Variants in MAST4 observed in about 807,000 individuals in gnomAD.
MAST4 encodes the protein microtubule associated serine/threonine kinase family member 4.
In MAST4, 89 loss-of-function variants were observed where a neutral mutation model predicts 162.7. The ratio of observed to expected loss-of-function variants is 0.55; its 90% CI spans 0.46 to 0.65. MAST4 has a LOEUF of 0.65. MAST4 is among the 30% of genes least tolerant of loss of function. The pLI is 0.00. For missense variants in MAST4, 3,153 were observed against 3,374.0 expected (o/e 0.93, Z 1.62); for synonymous variants, 1,479 against 1,361.1 (o/e 1.09, Z -1.91).
chr5:67,154,605 T>G (rs913871993), intron 26 of MAST4, among the ~76,000 whole-genome samples: 1 of 152,226 alleles, frequency 6.6e-6, no homozygotes, highest in Non-Finnish European at 1.5e-5. Flanking sequence ...CTCATCTGGC[T>G]ACGGAGCACC....
intron 3 of MAST4, among the ~76,000 whole-genome samples, chr5:66,842,515 C>T (rs533896761): frequency 6.6e-6 from 1 of 152,104 alleles, no homozygotes; most frequent in South Asian, 2.1e-4. Flanking sequence ...TGTGGGTTCA[C>T]TGACCACATT....
intron 1 of MAST4, among the ~76,000 whole-genome samples, chr5:66,685,189 G>A (rs775237654): frequency 1.5e-4 from 23 of 152,144 alleles, no homozygotes; most frequent in Non-Finnish European, 2.9e-4. Context: ...CTTGAGACTG[G>A]GAGGCAGTGG....
At chr5:66,875,289 TA>T (rs1761219784) in intron 3 of MAST4, among the ~76,000 whole-genome samples, 1 of 152,252 alleles carries the variant, frequency 6.6e-6, no homozygotes, top group Non-Finnish European at 1.5e-5. Flanking sequence ...TTGTACTATG[TA>T]AACTTTATAA....
At chr5:66,945,803 G>C (rs189404423) in intron 4 of MAST4, among the ~76,000 whole-genome samples, 92 of 152,258 alleles carry the variant, frequency 6.0e-4, no homozygotes, top group Middle Eastern at 3.4e-3. Context: ...TGTAGTGATA[G>C]TAGGTTTTTA....
At chr5:66,661,118 C>T (rs941147458) in intron 1 of MAST4, among the ~76,000 whole-genome samples, 1 of 152,122 alleles carries the variant, frequency 6.6e-6, no homozygotes, top group Non-Finnish European at 1.5e-5. Flanking sequence ...GATTCAGTGG[C>T]AAGAAACGCA....
intron 3 of MAST4, among the ~76,000 whole-genome samples, chr5:66,877,000 T>G (rs1473516335): frequency 6.6e-6 from 1 of 152,152 alleles, no homozygotes; most frequent in Non-Finnish European, 1.5e-5. Context: ...CACCACATAA[T>G]GTACATTTCA....
At chr5:66,965,024 G>T (rs1302744639) in intron 4 of MAST4, among the ~76,000 whole-genome samples, 1 of 152,042 alleles carries the variant, frequency 6.6e-6, no homozygotes, top group African/African-American at 2.4e-5. Context: ...AAGTAAGGCC[G>T]AACTGAAATC....
intron 4 of MAST4, among the ~76,000 whole-genome samples, chr5:66,934,527 G>C (rs1055673773): frequency 1.3e-5 from 2 of 151,898 alleles, no homozygotes; most frequent in African/African-American, 4.8e-5. Context: ...GCCTGTTAAC[G>C]ACACGGCAAC....
At chr5:66,678,994 G>A (rs1016827930) in intron 1 of MAST4, among the ~76,000 whole-genome samples, 1 of 152,174 alleles carries the variant, frequency 6.6e-6, no homozygotes, top group African/African-American at 2.4e-5. Flanking sequence ...GTTTTGCCAT[G>A]TTGGCCAGGC....
At chr5:67,099,795 T>C (rs56347210) in intron 7 of MAST4, among the ~76,000 whole-genome samples, 17,460 of 151,888 alleles carry the variant, frequency 0.11, 2,362 homozygotes, top group African/African-American at 0.32. Context: ...GAACAAAAAA[T>C]TCACCACCAC....
chr5:66,676,774 G>A (rs1197601064), intron 1 of MAST4, among the ~76,000 whole-genome samples: 1 of 152,184 alleles, frequency 6.6e-6, no homozygotes, highest in African/African-American at 2.4e-5. Flanking sequence ...ATCCTAAGAT[G>A]TCAGTATGTA....
chr5:66,838,055 T>C (rs935810029), intron 3 of MAST4, among the ~76,000 whole-genome samples: 1 of 151,818 alleles, frequency 6.6e-6, no homozygotes, highest in Non-Finnish European at 1.5e-5. Flanking sequence ...GTGGGGTAGC[T>C]GGAGGCAGCT....
At chr5:66,962,169 A>C (rs1746092032) in intron 4 of MAST4, among the ~76,000 whole-genome samples, 1 of 152,228 alleles carries the variant, frequency 6.6e-6, no homozygotes, top group Admixed American at 6.5e-5. Context: ...GAGCACAACC[A>C]GCTTGAATCA....
At chr5:67,107,425 G>T (rs1046085492) in intron 10 of MAST4, among the ~76,000 whole-genome samples, 1 of 152,134 alleles carries the variant, frequency 6.6e-6, no homozygotes, top group African/African-American at 2.4e-5. Context: ...AGGTCTTGTT[G>T]GGCATAAATA....
intron 2 of MAST4, among the ~76,000 whole-genome samples, chr5:66,779,421 C>A (rs1421632576): frequency 7.6e-6 from 1 of 132,194 alleles, no homozygotes; most frequent in Admixed American, 8.3e-5. Context: ...TTTTTTAAGG[C>A]TAGAATAGCA....
intron 3 of MAST4, among the ~76,000 whole-genome samples, chr5:66,851,143 C>G (rs555882654): frequency 1.3e-5 from 2 of 152,154 alleles, no homozygotes; most frequent in African/African-American, 4.8e-5. Context: ...GCACAATATT[C>G]CATCTTGGCC....
At position 66,681,839 on chromosome 5, in the gene MAST4, A is replaced by G. The variant is rs554568205; in HGVS notation, c.364-77870A>G. On this transcript the variant is annotated intron_variant, in intron 1 of 28. Transcript: ENST00000403625. Reference sequence around the variant, plus strand: ...TAAACAACAAACATTTTTAATTGTCATTGTTTTTCTGCACATCTTTCCTCT... The same window carrying G: ...TAAACAACAAACATTTTTAATTGTCGTTGTTTTTCTGCACATCTTTCCTCT... Among the ~76,000 whole-genome samples, 57 of 152,156 alleles carry G rather than the reference A, an allele frequency of 3.7e-4. No homozygotes were observed. In the South Asian group the frequency reaches 4.6e-3, roughly 12 times the overall value.
intron 4 of MAST4, among the ~76,000 whole-genome samples, chr5:66,942,154 A>G (rs1270715719): frequency 6.6e-6 from 1 of 152,142 alleles, no homozygotes; most frequent in Non-Finnish European, 1.5e-5. Flanking sequence ...GATTTGCTCT[A>G]TGCAGGGTTA....
rs1234919904 is a variant in MAST4 at position 67,167,217 on chromosome 5, G to A, written c.*166G>A. 4.0e-6 allele frequency: 1 copy of A among 249,970 alleles called. No individual in the cohort carries two copies. Among genetic ancestry groups the A allele is most frequent in the Non-Finnish European group, 6.9e-6 (1 of 145,350 alleles). The allele number at this position is 249,970 out of a possible 1,614,324, so 15.5% of individuals were successfully genotyped here. A position where few individuals can be genotyped will look rare whatever the true frequency, so the allele number is the denominator to read the frequency against. ...ACAAAGAGGGGACCTTCTTCCAGAT[G>A]CCTTCCCAGTTGTAACCGGTAAAAC... On this transcript the variant is annotated 3_prime_UTR_variant, in exon 29 of 29. Coordinates refer to ENST00000403625, the MANE Select transcript of MAST4 (RefSeq NM_001164664.2).
Sources: allele counts gnomAD v4.1 joint callset (sites outside exome capture counted in the v4.1 genomes callset), GRCh38; gene constraint gnomAD v4.1.1; transcripts MANE v1.5; gene names NCBI Gene and HGNC (gene_info 2026-07-23, HGNC 2026-07-21).